The following ASPM variants were observed in gnomAD, a reference collection of about 807,000 sequenced individuals.
ASPM encodes abnormal spindle-like microcephaly-associated protein.
A neutral mutation model predicts 366.4 loss-of-function variants in ASPM; 256 were observed. That is an observed-to-expected ratio of 0.70 (90% CI 0.63 to 0.77). The LOEUF is 0.77. Among genes scored for constraint, ASPM ranks in the 30% least tolerant of loss-of-function variants. ASPM has a pLI of 0.00. For missense variants in ASPM, 4,146 were observed against 4,090.4 expected (o/e 1.01, Z -0.37); for synonymous variants, 1,414 against 1,342.9 (o/e 1.05, Z -1.16).
chr1:197,104,990 T>C lies in ASPM; in HGVS notation c.4261A>G (p.Lys1421Glu). The change falls in exon 18 of 28, where the codon AAA (lysine) becomes GAA (glutamate). Residue 1421 changes from lysine (K) to glutamate (E), a missense_variant. Transcript: ENST00000367409. ...KQDQQRYEML[K>E]SSTLIIQSMF... ...GATTGGATTATAAGAGTTGATGATT[T>C]TAGCATTTCATATCTTTGTTGATCT... 1 of 1,611,642 alleles carries C rather than the reference T, an allele frequency of 6.2e-7. No individual in the cohort carries two copies. Among genetic ancestry groups the C allele is most frequent in the Non-Finnish European group, 8.5e-7 (1 of 1,178,950 alleles).
Position 197,124,125 on chromosome 1 carries a change from G to C in ASPM, c.3375C>G (p.Ala1125=). ...LLMDWVNAVC[A]FYNKKVENFT... ...AGAAACTTACCTTTTTATTATAGAA[G>C]GCACAAACAGCATTTACCCAATCCA... The change falls in exon 13 of 28, where the codon GCC becomes GCG. Residue 1125 remains alanine, a synonymous_variant. Transcript: ENST00000367409. The C allele has an allele frequency of 1.2e-6, 2 of 1,609,258 alleles. No homozygotes were observed. The highest frequency in any genetic ancestry group is 1.7e-6 in the Non-Finnish European group (2 of 1,176,582).
At position 197,103,277 on chromosome 1, in the gene ASPM, T is replaced by A. The variant is rs754518048; in HGVS notation, c.5974A>T (p.Ile1992Phe). ...RMHVQQKKWK[I>F]MKKAALLIQK... is the part of the protein sequence containing the mutation. ...ATCAGAAGAGCAGCTTTTTTCATGA[T>A]TTTCCACTTCTTTTGTTGCACATGC... The change falls in exon 18 of 28, where the codon ATC (isoleucine) becomes TTC (phenylalanine). Residue 1992 changes from isoleucine (I) to phenylalanine (F), a missense_variant. Transcript: ENST00000367409. 3.1e-6 allele frequency: 5 copies of A among 1,612,924 alleles called. No individual in the cohort carries two copies. In the African/African-American group the frequency reaches 5.3e-5, roughly 17 times the overall value.
At chr1:197,087,926 G>C (rs1375074495) in intron 26 of ASPM, among the ~76,000 whole-genome samples, 1 of 152,144 alleles carries the variant, frequency 6.6e-6, no homozygotes, top group African/African-American at 2.4e-5. Context: ...TCGTAGAAAA[G>C]CTTGAAATAC....
intron 1 of ASPM, among the ~76,000 whole-genome samples, chr1:197,145,737 C>T (rs959512368): frequency 1.3e-5 from 2 of 151,966 alleles, no homozygotes; most frequent in Non-Finnish European, 2.9e-5. Context: ...AAGTGCTTGT[C>T]AATTTAACAG....
Position 197,103,911 on chromosome 1 carries a change from G to A in ASPM, c.5340C>T (p.Val1780=), listed in dbSNP as rs1442865090. Residue 1780 remains valine, a synonymous_variant, in exon 18 of 28, where the codon GTC becomes GTT. Transcript: ENST00000367409. Reference sequence around the variant, plus strand: ...TGTATGCATGATAGTAATTCTGAATGACAATAATTGCTTTATACATTTTCA... The same window carrying A: ...TGTATGCATGATAGTAATTCTGAATAACAATAATTGCTTTATACATTTTCA... ...YYLKMYKAII[V]IQNYYHAYKA... 4 of 1,612,570 alleles carry A rather than the reference G, an allele frequency of 2.5e-6. No individual in the cohort carries two copies. In the South Asian group the frequency reaches 4.4e-5, roughly 18 times the overall value.
chr1:197,142,489 ACT>A lies in ASPM; in HGVS notation c.1761_1762del (p.Arg587SerfsTer23). ...CACTTCTGTATGTTCTGTAATTGCA[ACT>A]CTCACATTTGCATCTTCCATGCTTC... On this transcript the variant is annotated frameshift_variant, in exon 3 of 28. Coordinates refer to ENST00000367409, the MANE Select transcript of ASPM (RefSeq NM_018136.5). LOFTEE classifies it high-confidence loss of function. 1 of 1,613,892 alleles carries A rather than the reference ACT, an allele frequency of 6.2e-7. No homozygotes were observed.
Position 197,090,893 on chromosome 1 carries a change from CGGA to C in ASPM, c.9590_9592del (p.Leu3197del), listed in dbSNP as rs1436904016. ...ACTAGTGAATTTTTCCTGCTTTTTACGGAGGAGAAAATGGCGCACTGCTTTCTG... is the reference window on the plus strand; with the variant it reads ...ACTAGTGAATTTTTCCTGCTTTTTACGGAGAAAATGGCGCACTGCTTTCTG... On this transcript the variant is annotated inframe_deletion, in exon 23 of 28. Coordinates refer to ENST00000367409, the MANE Select transcript of ASPM (RefSeq NM_018136.5). 1 of 1,613,088 alleles carries C rather than the reference CGGA, an allele frequency of 6.2e-7. No homozygotes were observed. Among genetic ancestry groups the C allele is most frequent in the Admixed American group, 1.7e-5 (1 of 59,940 alleles).
intron 4 of ASPM, among the ~76,000 whole-genome samples, chr1:197,137,413 T>C (rs913130185): frequency 5.9e-5 from 9 of 152,182 alleles, no homozygotes; most frequent in African/African-American, 2.2e-4. Context: ...AAAATTTTTC[T>C]TCCCCCAAAT....
At position 197,084,356 on chromosome 1, in the gene ASPM, T is replaced by C; in HGVS notation, c.10402A>G (p.Met3468Val). 1.2e-6 allele frequency: 2 copies of C among 1,612,998 alleles called. No homozygotes were observed. The highest frequency in any genetic ancestry group is 1.7e-6 in the Non-Finnish European group (2 of 1,179,426). Residue 3468 changes from methionine to valine, a missense_variant, in exon 28 of 28, where the codon ATG becomes GTG. Met to Val is a conservative substitution (Grantham distance 21). This residue lies in a region of ASPM where 3,624 missense variants were observed against 3,591.7 expected (regional missense o/e 1.01). Coordinates refer to ENST00000367409, the MANE Select transcript of ASPM (RefSeq NM_018136.5). ...EITNPLQAIQ[M>V]VMDTLGIPY ...GGAATGCCAAGCGTATCCATCACCA[T>C]TTGAATAGCTTGCAGGGGATTTGTG...
chr1:197,143,114 G>C lies in ASPM; in HGVS notation c.1138C>G (p.Gln380Glu). ...TTAACTGACTCTGATTCTAGATCCT[G>C]ATTTAGTCCATAATTATCTTTTATG... ...SFIKDNYGLN[Q>E]DLESESVNPI... The change falls in exon 3 of 28, where the codon CAG (glutamine) becomes GAG (glutamate). Residue 380 changes from glutamine (Q) to glutamate (E), a missense_variant. By Grantham distance (29) the Gln-to-Glu change is conservative. This residue lies in a region of ASPM where 512 missense variants were observed against 471.7 expected (regional missense o/e 1.09). Transcript: ENST00000367409. 6.2e-7 allele frequency: 1 copy of C among 1,612,586 alleles called. No homozygotes were observed.
chr1:197,120,022 T>C (rs905409330), intron 16 of ASPM, among the ~76,000 whole-genome samples: 4 of 152,042 alleles, frequency 2.6e-5, no homozygotes, highest in Admixed American at 1.3e-4. Context: ...TGTGAGGTAA[T>C]TGTATAAAAG....
intron 6 of ASPM, 147 bp downstream of exon 6, chr1:197,133,203 T>G (rs1213934763): frequency 1.3e-6 from 1 of 749,046 alleles, no homozygotes; most frequent in African/African-American, 1.8e-5. Context: ...TTTAATAATA[T>G]ATACATATAT....
Position 197,095,999 on chromosome 1 carries a change from G to C in ASPM, c.8986C>G (p.Arg2996Gly). ...GCFYTKLERT[R>G]FLNVRASAII... ...CTCCACAGAACTATGATACATTACC[G>C]TGTTCTCTCTAGTTTGGTATAGAAG... The change falls in exon 19 of 28, where the codon CGG (arginine) becomes GGG (glycine). Residue 2996 changes from arginine to glycine, a missense_variant and splice_region_variant. Physicochemically the swap from Arg to Gly is moderately radical, Grantham distance 125. This residue lies in a region of ASPM where 3,624 missense variants were observed against 3,591.7 expected (regional missense o/e 1.01). Transcript: ENST00000367409. The C allele has an allele frequency of 6.2e-7, 1 of 1,604,664 alleles. No individual in the cohort carries two copies. Among genetic ancestry groups the C allele is most frequent in the Non-Finnish European group, 8.5e-7 (1 of 1,172,908 alleles).
chr1:197,097,117 C>T (rs1051105009), intron 18 of ASPM, among the ~76,000 whole-genome samples: 4 of 151,714 alleles, frequency 2.6e-5, no homozygotes, highest in African/African-American at 7.3e-5. Context: ...TTAAAATTAA[C>T]TGTGTTTTTC....
intron 17 of ASPM, among the ~76,000 whole-genome samples, chr1:197,113,350 C>T (rs1195046556): frequency 6.6e-6 from 1 of 151,996 alleles, no homozygotes; most frequent in African/African-American, 2.4e-5. Flanking sequence ...CACATATACC[C>T]AGAATCTAAA....
In ASPM at chr1:197,101,873, C is replaced by A. The variant is rs750449142; in HGVS notation, c.7378G>T (p.Ala2460Ser). The A allele has an allele frequency of 6.2e-6, 10 of 1,612,632 alleles. No homozygotes were observed. The highest frequency in any genetic ancestry group is 8.5e-6 in the Non-Finnish European group (10 of 1,179,304). Residue 2460 changes from alanine to serine, a missense_variant, in exon 18 of 28, where the codon GCA (alanine) becomes TCA (serine). Around this residue, in one of 3 missense-constraint regions of ASPM, gnomAD observed 3,624 missense variants for 3,591.7 expected, o/e 1.01. Transcript: ENST00000367409. ...KLYQFLHLRK[A>S]AITIQSSYRR... ...TAAGATGACTGTATTGTAATGGCTG[C>A]CTTTCTTAAGTGCAAGAATTGGTAC...
At chr1:197,123,854 T>C (rs1264672365) in intron 13 of ASPM, among the ~76,000 whole-genome samples, 1 of 152,172 alleles carries the variant, frequency 6.6e-6, no homozygotes, top group Non-Finnish European at 1.5e-5. Context: ...GTCCCAGTTC[T>C]ATGCAAGCAT....
At chr1:197,137,513 GCT>G (rs758274992) in intron 4 of ASPM, among the ~76,000 whole-genome samples, 4 of 152,076 alleles carry the variant, frequency 2.6e-5, no homozygotes. Flanking sequence ...GACTCATAGC[GCT>G]CTGTCACTCA....
At position 197,103,893 on chromosome 1, in the gene ASPM, AT is replaced by A; in HGVS notation, c.5357del (p.His1786LeufsTer35). On this transcript the variant is annotated frameshift_variant, in exon 18 of 28. Transcript: ENST00000367409. LOFTEE classifies it high-confidence loss of function. ...KAIIVIQNYY[H>X]AYKAQVNQRK... ...TCTGATTGACCTGTGCTTTGTATGC[AT>A]GATAGTAATTCTGAATGACAATAAT... The A allele has an allele frequency of 6.2e-7, 1 of 1,612,894 alleles. No homozygotes were observed. Among genetic ancestry groups the A allele is most frequent in the Non-Finnish European group, 8.5e-7 (1 of 1,179,340 alleles).
Sources: gnomAD v4.1 joint callset for allele counts (sites outside exome capture counted in the v4.1 genomes callset) on GRCh38, gnomAD v4.1.1 for gene constraint, gnomAD v4.1.1 regional missense constraint, MANE v1.5 for transcripts, NCBI Gene and HGNC (gene_info 2026-07-23, HGNC 2026-07-21) for gene names.